MSRA: variants seen among roughly 807,000 people sequenced by gnomAD.
MSRA encodes mitochondrial peptide methionine sulfoxide reductase.
Under a neutral mutation model 31.3 loss-of-function variants are expected in MSRA, and 54 were observed. That is an observed-to-expected ratio of 1.73 (90% CI 1.39 to 2.17). MSRA has a LOEUF of 2.17. Among genes scored for constraint, MSRA ranks in the 30% most tolerant of loss-of-function variants. The probability of loss-of-function intolerance (pLI) is 0.00; values close to 1 mark genes in which losing one functional copy is unlikely to be tolerated. For missense variants in MSRA, 507 were observed against 300.9 expected (o/e 1.69, Z -5.07); for synonymous variants, 169 against 116.5 (o/e 1.45, Z -2.90).
chr8:10,395,186 T>A (rs145660357), intron 5 of MSRA, among the ~76,000 whole-genome samples: 260 of 152,222 alleles, frequency 1.7e-3, no homozygotes, highest in Middle Eastern at 0.01. Context: ...CAGAGCATGG[T>A]CCTATTTAAG....
chr8:10,187,165 G>A (rs1350385920), intron 1 of MSRA, among the ~76,000 whole-genome samples: 1 of 152,166 alleles, frequency 6.6e-6, no homozygotes, highest in Non-Finnish European at 1.5e-5. Context: ...TTCGGGAAAT[G>A]GTACGACCAG....
rs554756648 is a variant in MSRA at position 10,112,977 on chromosome 8, C to T, written c.142+58319C>T. Among the ~76,000 whole-genome samples, 4 of 152,264 alleles carry T rather than the reference C, an allele frequency of 2.6e-5. No homozygotes were observed. In the South Asian group the frequency reaches 6.2e-4, roughly 24 times the overall value. On this transcript the variant is annotated intron_variant, in intron 1 of 5. Coordinates refer to ENST00000317173, the MANE Select transcript of MSRA (RefSeq NM_012331.5). ...CCCCGTCTAACATGGCTCCTTACCC[C>T]TGCTGGTCCATAACAGTGTCACCCC...
chr8:10,370,289 A>T (rs1414182533), intron 5 of MSRA, among the ~76,000 whole-genome samples: 6 of 152,358 alleles, frequency 3.9e-5, no homozygotes, highest in African/African-American at 1.4e-4. Context: ...TTCCTTCCTT[A>T]GCCTCTTTAT....
intron 1 of MSRA, among the ~76,000 whole-genome samples, chr8:10,157,595 G>T (rs544433823): frequency 1.3e-5 from 2 of 151,466 alleles, no homozygotes; most frequent in Admixed American, 1.3e-4. Context: ...CTTTGTAAGG[G>T]GCAATGAAAG....
intron 1 of MSRA, among the ~76,000 whole-genome samples, chr8:10,149,640 T>G (rs1436175203): frequency 6.6e-6 from 1 of 152,038 alleles, no homozygotes; most frequent in Non-Finnish European, 1.5e-5. Flanking sequence ...TAATTGTGTG[T>G]CTACCTTCTG....
At chr8:10,306,973 A>G in intron 4 of MSRA, among the ~76,000 whole-genome samples, 1 of 152,186 alleles carries the variant, frequency 6.6e-6, no homozygotes, top group Non-Finnish European at 1.5e-5. Context: ...AAATCTGACC[A>G]TAACCCTGTG....
chr8:10,247,918 GC>G (rs1227283828), intron 3 of MSRA, among the ~76,000 whole-genome samples: 2 of 152,094 alleles, frequency 1.3e-5, no homozygotes, highest in Non-Finnish European at 2.9e-5. Context: ...AAGGTCCCTC[GC>G]TAGAGTAATT....
At chr8:10,227,893 A>C (rs995958824) in intron 2 of MSRA, among the ~76,000 whole-genome samples, 1 of 152,196 alleles carries the variant, frequency 6.6e-6, no homozygotes, top group Non-Finnish European at 1.5e-5. Flanking sequence ...ATTATTTAAC[A>C]TGATGTAGAT....
intron 5 of MSRA, among the ~76,000 whole-genome samples, chr8:10,420,133 A>T (rs551568070): frequency 5.9e-5 from 9 of 152,124 alleles, no homozygotes; most frequent in Non-Finnish European, 1.3e-4. Flanking sequence ...GACGCATGCC[A>T]CCTCCTGGAG....
At chr8:10,361,052 A>C (rs1026297706) in intron 5 of MSRA, among the ~76,000 whole-genome samples, 1 of 152,198 alleles carries the variant, frequency 6.6e-6, no homozygotes, top group African/African-American at 2.4e-5. Flanking sequence ...ATAGAGTTGG[A>C]CAACTCCTTG....
intron 3 of MSRA, among the ~76,000 whole-genome samples, chr8:10,263,590 TTC>T (rs1798593186): frequency 6.6e-6 from 1 of 152,206 alleles, no homozygotes; most frequent in Non-Finnish European, 1.5e-5. Flanking sequence ...TTCTTCAGTC[TTC>T]TCTCTTTTTT....
chr8:10,280,262 T>G (rs1799547977), intron 3 of MSRA, among the ~76,000 whole-genome samples: 1 of 152,174 alleles, frequency 6.6e-6, no homozygotes, highest in South Asian at 2.1e-4. Context: ...CATTAACTTT[T>G]GCCCCCCTCT....
chr8:10,092,867 T>G (rs1389266548), intron 1 of MSRA, among the ~76,000 whole-genome samples: 1 of 152,220 alleles, frequency 6.6e-6, no homozygotes, highest in African/African-American at 2.4e-5. Flanking sequence ...ATTTTGGGGC[T>G]CTGTTCTTAT....
chr8:10,071,458 CTTTTT>C (rs77512999), intron 1 of MSRA, among the ~76,000 whole-genome samples: 1 of 129,272 alleles, frequency 7.7e-6, no homozygotes. Flanking sequence ...TTTTAATTTT[CTTTTT>C]TTTTTTTTTT....
intron 3 of MSRA, among the ~76,000 whole-genome samples, chr8:10,280,780 C>T (rs1001693567): frequency 2.4e-4 from 36 of 152,184 alleles, no homozygotes; most frequent in African/African-American, 6.5e-4. Flanking sequence ...ACAACCCAAA[C>T]GCGCATCAGC....
intron 5 of MSRA, among the ~76,000 whole-genome samples, chr8:10,393,506 T>C (rs1806893579): frequency 6.6e-6 from 1 of 152,122 alleles, no homozygotes. Flanking sequence ...TGTGACGGTG[T>C]TTGCTGGGCA....
intron 5 of MSRA, among the ~76,000 whole-genome samples, chr8:10,412,939 T>C (rs1489806569): frequency 6.6e-6 from 1 of 152,242 alleles, no homozygotes; most frequent in African/African-American, 2.4e-5. Flanking sequence ...TCATTTAATA[T>C]ACTTCCACCT....
At chr8:10,217,293 A>C (rs949022566) in intron 2 of MSRA, among the ~76,000 whole-genome samples, 2 of 152,168 alleles carry the variant, frequency 1.3e-5, no homozygotes, top group African/African-American at 4.8e-5. Context: ...GCGGCGCGCA[A>C]GTCTCGTGGC....
At chr8:10,235,206 TGAA>T (rs1184939067) in intron 2 of MSRA, among the ~76,000 whole-genome samples, 1 of 152,074 alleles carries the variant, frequency 6.6e-6, no homozygotes, top group Non-Finnish European at 1.5e-5. Flanking sequence ...TTCAAAATAA[TGAA>T]GACCACATTC....
Sources: allele counts gnomAD v4.1 joint callset (sites outside exome capture counted in the v4.1 genomes callset), GRCh38; gene constraint gnomAD v4.1.1; transcripts MANE v1.5; gene names NCBI Gene and HGNC (gene_info 2026-07-23, HGNC 2026-07-21).